The following LOC400499 variants were observed in gnomAD, a reference collection of about 807,000 sequenced individuals.
chr16:11,424,006 C>T, the LOC400499 span: 2 of 398,674 alleles, frequency 5.0e-6, no homozygotes, highest in African/African-American at 2.1e-5. Context: ...TCAGCCCGGC[C>T]GCCAGACTAC....
the LOC400499 span, among the ~76,000 whole-genome samples, chr16:11,514,067 AGACT>A: frequency 6.6e-6 from 1 of 152,198 alleles, no homozygotes; most frequent in Admixed American, 6.5e-5. Context: ...TAAAATGGGC[AGACT>A]GAGGGGTCAC....
At chr16:11,410,179 C>T in the LOC400499 span, among the ~76,000 whole-genome samples, 2 of 152,202 alleles carry the variant, frequency 1.3e-5, no homozygotes, top group South Asian at 2.1e-4. Flanking sequence ...TAAGGCTGGG[C>T]GCAGTGGCTC....
At chr16:11,386,696 G>A in the LOC400499 span, among the ~76,000 whole-genome samples, 1 of 152,170 alleles carries the variant, frequency 6.6e-6, no homozygotes, top group Non-Finnish European at 1.5e-5. Context: ...ATTTCATGGT[G>A]GAGGAAACCG....
chr16:11,372,830 T>C, the LOC400499 span: 1 of 416,734 alleles, frequency 2.4e-6, no homozygotes, highest in African/African-American at 2.2e-5. Context: ...CTAGGGCCCC[T>C]GGCCTTCATT....
chr16:11,502,711 T>A, the LOC400499 span, among the ~76,000 whole-genome samples: 1 of 151,054 alleles, frequency 6.6e-6, no homozygotes, highest in Non-Finnish European at 1.5e-5. Context: ...ACCTCCTGGG[T>A]TCTAGCGATT....
the LOC400499 span, among the ~76,000 whole-genome samples, chr16:11,380,399 G>C: frequency 5.9e-5 from 9 of 152,178 alleles, no homozygotes; most frequent in East Asian, 1.2e-3. Flanking sequence ...GGCTAACATG[G>C]TGAAACCTCG....
chr16:11,477,904 C>T, the LOC400499 span: 22 of 398,998 alleles, frequency 5.5e-5, no homozygotes, highest in East Asian at 2.5e-4. Flanking sequence ...TGATGGCAGC[C>T]GAGGCATTTA....
the LOC400499 span, chr16:11,514,500 G>A: frequency 6.0e-5 from 24 of 399,642 alleles, no homozygotes; most frequent in South Asian, 6.4e-4. Context: ...ACTCCGGCCC[G>A]GAAGCTCTGG....
At chr16:11,454,229 C>T in the LOC400499 span, among the ~76,000 whole-genome samples, 1 of 152,254 alleles carries the variant, frequency 6.6e-6, no homozygotes, top group African/African-American at 2.4e-5. Context: ...AAATTCTCCA[C>T]TCAAACTGTC....
At chr16:11,516,593 C>A in the LOC400499 span, among the ~76,000 whole-genome samples, 2 of 152,204 alleles carry the variant, frequency 1.3e-5, no homozygotes, top group Non-Finnish European at 2.9e-5. Context: ...GAGCTGCCTG[C>A]ATTCCAAAAC....
At chr16:11,394,690 A>C in the LOC400499 span, among the ~76,000 whole-genome samples, 1 of 152,234 alleles carries the variant, frequency 6.6e-6, no homozygotes, top group Non-Finnish European at 1.5e-5. Context: ...TGTCCCTGTG[A>C]GAAGACCATG....
the LOC400499 span, chr16:11,471,647 G>A: frequency 8.0e-4 from 321 of 399,074 alleles, 2 homozygotes; most frequent in African/African-American, 5.9e-3. Flanking sequence ...TGTTGTCTAG[G>A]GCCCACCTGG....
At chr16:11,437,492 G>A in the LOC400499 span, among the ~76,000 whole-genome samples, 17 of 152,336 alleles carry the variant, frequency 1.1e-4, no homozygotes, top group Admixed American at 9.8e-4. Flanking sequence ...CTGGGTGGTG[G>A]AGGCTGCAGT....
At chr16:11,422,779 A>G in the LOC400499 span, among the ~76,000 whole-genome samples, 1 of 152,224 alleles carries the variant, frequency 6.6e-6, no homozygotes, top group Non-Finnish European at 1.5e-5. Context: ...CACCCTCGGC[A>G]GAGACAGCTT....
the LOC400499 span, chr16:11,383,795 G>T: frequency 1.6e-6 from 2 of 1,232,064 alleles, no homozygotes; most frequent in Non-Finnish European, 2.0e-6. Context: ...TGAAATCAGG[G>T]ACACCGAGTC....
the LOC400499 span, among the ~76,000 whole-genome samples, chr16:11,464,349 G>C: frequency 2.0e-5 from 3 of 152,222 alleles, no homozygotes; most frequent in African/African-American, 7.2e-5. Flanking sequence ...TGCAGTGCTC[G>C]TCAGAGCTTC....
the LOC400499 span, among the ~76,000 whole-genome samples, chr16:11,490,875 G>A: frequency 6.6e-6 from 1 of 152,160 alleles, no homozygotes; most frequent in East Asian, 1.9e-4. Flanking sequence ...AAATACTGGG[G>A]GGAAGAGGAA....
the LOC400499 span, among the ~76,000 whole-genome samples, chr16:11,415,790 C>T: frequency 6.6e-6 from 1 of 152,020 alleles, no homozygotes; most frequent in Non-Finnish European, 1.5e-5. Context: ...ACTAGAGCGG[C>T]GTGGAGGTGG....
the LOC400499 span, chr16:11,462,158 G>A: frequency 2.6e-6 from 4 of 1,531,648 alleles, no homozygotes; most frequent in African/African-American, 4.1e-5. Flanking sequence ...GCTCAGCGAT[G>A]CGGAGAAGGC....
Sources: allele counts gnomAD v4.1 joint callset (sites outside exome capture counted in the v4.1 genomes callset), GRCh38; gene constraint gnomAD v4.1.1; transcripts MANE v1.5.